GLIS3: variants seen among roughly 807,000 people sequenced by gnomAD.
GLIS3 encodes the protein GLIS family zinc finger 3, also known as zinc finger protein GLIS3.
GLIS3 carries 53 observed loss-of-function variants against 78.6 expected under a neutral mutation model. The ratio of observed to expected loss-of-function variants is 0.67; its 90% CI spans 0.54 to 0.85. The LOEUF is 0.85. GLIS3 is among the 40% of genes least tolerant of loss of function. The probability of loss-of-function intolerance (pLI) is 0.00; values close to 1 mark genes in which losing one functional copy is unlikely to be tolerated. For synonymous variants in GLIS3, 684 were observed against 509.9 expected (o/e 1.34, Z -4.60); for missense variants, 1,703 against 1,231.1 (o/e 1.38, Z -5.74).
chr9:3,912,003 C>T (rs1824187158), intron 6 of GLIS3, among the ~76,000 whole-genome samples: 1 of 152,094 alleles, frequency 6.6e-6, no homozygotes, highest in Admixed American at 6.6e-5. Flanking sequence ...AGGATGGAGA[C>T]TTCGGGGTCA....
At chr9:4,440,404 T>G in the GLIS3 span, among the ~76,000 whole-genome samples, 1 of 152,242 alleles carries the variant, frequency 6.6e-6, no homozygotes, top group Non-Finnish European at 1.5e-5. Context: ...CCTGTGGATA[T>G]CCTGTTTTCT....
intron 9 of GLIS3, among the ~76,000 whole-genome samples, chr9:3,848,061 T>C (rs1210361507): frequency 6.6e-6 from 1 of 152,260 alleles, no homozygotes; most frequent in African/African-American, 2.4e-5. Flanking sequence ...TATTTATCTT[T>C]CTGGGATTTC....
At chr9:4,159,906 T>A (rs935638427) in intron 2 of GLIS3, among the ~76,000 whole-genome samples, 1 of 152,134 alleles carries the variant, frequency 6.6e-6, no homozygotes, top group African/African-American at 2.4e-5. Context: ...CAGACTCATG[T>A]CCTCAGACTT....
chr9:4,301,001 A>T (rs1299860469), upstream of GLIS3, among the ~76,000 whole-genome samples: 1 of 152,094 alleles, frequency 6.6e-6, no homozygotes, highest in African/African-American at 2.4e-5. Flanking sequence ...ATAAATTAGC[A>T]ATCAGGTAGT....
chr9:4,302,644 A>G (rs1817120880), upstream of GLIS3, among the ~76,000 whole-genome samples: 1 of 152,246 alleles, frequency 6.6e-6, no homozygotes, highest in Non-Finnish European at 1.5e-5. Flanking sequence ...AGCTCAGTAA[A>G]CAGTTAAAGA....
At chr9:3,877,054 C>G (rs1821363909) in intron 8 of GLIS3, among the ~76,000 whole-genome samples, 1 of 151,938 alleles carries the variant, frequency 6.6e-6, no homozygotes, top group Admixed American at 6.6e-5. Context: ...TCGTTTTTGT[C>G]TTATATTCTT....
chr9:4,283,088 C>G (rs1827695489), intron 2 of GLIS3, among the ~76,000 whole-genome samples: 2 of 53,642 alleles, frequency 3.7e-5, no homozygotes, highest in South Asian at 2.1e-3. Context: ...TGCGTGCACA[C>G]ACAAACACAT....
chr9:4,073,893 T>C (rs975608675), intron 4 of GLIS3, among the ~76,000 whole-genome samples: 19 of 152,324 alleles, frequency 1.2e-4, no homozygotes, highest in Middle Eastern at 3.4e-3. Flanking sequence ...TGTGTGTGTC[T>C]GATGTGTGTA....
chr9:4,141,297 G>C lies in GLIS3; in HGVS notation c.389-15356C>G, dbSNP rs146550046. On this transcript the variant is annotated intron_variant, in intron 2 of 10. Coordinates refer to ENST00000381971, the MANE Select transcript of GLIS3 (RefSeq NM_001042413.2). ...CCCTGAGTAGCAAGACAGCTCCCAA[G>C]GAAGGCAGTGGGGGTAAAAGGTATG... Among the ~76,000 whole-genome samples the C allele has an allele frequency of 2.1e-3, 315 of 152,288 alleles. 1 individual carries two copies. The highest frequency in any genetic ancestry group is 7.1e-3 in the African/African-American group (296 of 41,570).
intron 4 of GLIS3, among the ~76,000 whole-genome samples, chr9:4,009,999 T>C (rs1821868916): frequency 6.6e-6 from 1 of 152,168 alleles, no homozygotes; most frequent in Admixed American, 6.5e-5. Flanking sequence ...ACGTCAGCAC[T>C]GTTGACATTT....
Position 4,299,592 on chromosome 9 carries a change from G to A in GLIS3, c.-270C>T, listed in dbSNP as rs73641408. 2.6e-5 allele frequency: 4 copies of A among 152,570 alleles called. No homozygotes were observed. The highest frequency in any genetic ancestry group is 7.2e-5 in the African/African-American group (3 of 41,462). The allele number at this position is 152,570 out of a possible 1,614,324, so 9.5% of individuals were successfully genotyped here. A position where few individuals can be genotyped will look rare whatever the true frequency, so the allele number is the denominator to read the frequency against. ...CGGAAATGAAAACCCCCATCCAAAC[G>A]GGGGGACGGAGCGCGGAAACCCGGC... is the stretch of plus-strand genomic sequence containing the variant. On this transcript the variant is annotated 5_prime_UTR_variant, in exon 1 of 11. Coordinates refer to ENST00000381971, the MANE Select transcript of GLIS3 (RefSeq NM_001042413.2).
the GLIS3 span, among the ~76,000 whole-genome samples, chr9:4,469,798 A>T: frequency 2.0e-5 from 3 of 152,338 alleles, no homozygotes; most frequent in African/African-American, 7.2e-5. Flanking sequence ...AGCAGAATTG[A>T]AGGAGATAGA....
chr9:3,891,385 A>C (rs77346343), intron 7 of GLIS3, among the ~76,000 whole-genome samples: 5,837 of 152,226 alleles, frequency 0.038, 367 homozygotes, highest in African/African-American at 0.13. Flanking sequence ...CAGGGATTGT[A>C]CAAAACGTGG....
chr9:4,364,326 T>A, the GLIS3 span, among the ~76,000 whole-genome samples: 2 of 152,240 alleles, frequency 1.3e-5, no homozygotes, highest in Non-Finnish European at 1.5e-5. Context: ...GAAAATTCCT[T>A]CTTCAGAAAC....
intron 7 of GLIS3, among the ~76,000 whole-genome samples, chr9:3,889,565 TAC>T (rs1437041651): frequency 6.6e-6 from 1 of 152,242 alleles, no homozygotes; most frequent in Non-Finnish European, 1.5e-5. Flanking sequence ...TGTCTTATAA[TAC>T]ATTCTCCTCT....
chr9:3,946,935 G>C lies in GLIS3; in HGVS notation c.1711-9746C>G, dbSNP rs567664361. Among the ~76,000 whole-genome samples the C allele has an allele frequency of 2.6e-3, 403 of 152,282 alleles. 1 individual carries two copies. The highest frequency in any genetic ancestry group is 3.8e-3 in the Non-Finnish European group (261 of 68,028). On this transcript the variant is annotated intron_variant, in intron 4 of 10. Coordinates refer to ENST00000381971, the MANE Select transcript of GLIS3 (RefSeq NM_001042413.2). Reference sequence around the variant, plus strand: ...TCGACCTTGCCCTGAGTTGCCCTGAGTCGAGTGTCACCAAACAGCAGGTCA... The same window carrying C: ...TCGACCTTGCCCTGAGTTGCCCTGACTCGAGTGTCACCAAACAGCAGGTCA...
the GLIS3 span, among the ~76,000 whole-genome samples, chr9:4,414,046 G>C: frequency 6.6e-6 from 1 of 152,064 alleles, no homozygotes; most frequent in Non-Finnish European, 1.5e-5. Context: ...TATTTCTCGG[G>C]AAAACACTAA....
intron 2 of GLIS3, among the ~76,000 whole-genome samples, chr9:4,212,335 C>G (rs1208956192): frequency 2.0e-5 from 3 of 152,210 alleles, no homozygotes; most frequent in Non-Finnish European, 4.4e-5. Context: ...TGTAGTGGCT[C>G]ACATCTTAAC....
At chr9:4,204,062 C>G (rs1391026631) in intron 2 of GLIS3, among the ~76,000 whole-genome samples, 1 of 152,132 alleles carries the variant, frequency 6.6e-6, no homozygotes, top group Non-Finnish European at 1.5e-5. Context: ...ACCCAGGTAA[C>G]AAACCTGCAT....
Sources: gnomAD v4.1 joint callset for allele counts (sites outside exome capture counted in the v4.1 genomes callset) on GRCh38, gnomAD v4.1.1 for gene constraint, MANE v1.5 for transcripts, NCBI Gene and HGNC (gene_info 2026-07-23, HGNC 2026-07-21) for gene names.